Variants in PCDH7 observed in about 807,000 individuals in gnomAD.
PCDH7 encodes the protein protocadherin-7.
PCDH7 carries 17 observed loss-of-function variants against 58.9 expected under a neutral mutation model. That is an observed-to-expected ratio of 0.29 (90% CI 0.20 to 0.43). The LOEUF is 0.43. Ranked by LOEUF, PCDH7 falls within the 20% of genes least tolerant of loss-of-function variation. The pLI, the probability that PCDH7 is intolerant of heterozygous loss-of-function variation, is 1.00. For missense variants in PCDH7, 1,274 were observed against 1,441.0 expected, an observed-to-expected ratio of 0.88 and a Z score of 1.88; for synonymous variants, 664 against 616.4, an observed-to-expected ratio of 1.08 and a Z score of -1.14.
intron 3 of PCDH7, among the ~76,000 whole-genome samples, chr4:30,991,082 C>G (rs540116777): frequency 6.6e-6 from 1 of 152,036 alleles, no homozygotes; most frequent in African/African-American, 2.4e-5. Context: ...CACGATACAC[C>G]GGGTTCTTTC....
chr4:30,898,898 C>G (rs1739826646), intron 1 of PCDH7, among the ~76,000 whole-genome samples: 1 of 152,044 alleles, frequency 6.6e-6, no homozygotes, highest in Non-Finnish European at 1.5e-5. Context: ...GCCTGAAATC[C>G]CTATTTTTTA....
intron 1 of PCDH7, among the ~76,000 whole-genome samples, chr4:30,861,857 C>A (rs192504972): frequency 3.9e-4 from 59 of 152,124 alleles, no homozygotes; most frequent in African/African-American, 1.3e-3. Flanking sequence ...AAGTAGAGCA[C>A]CTTGTTAGCC....
intron 3 of PCDH7, among the ~76,000 whole-genome samples, chr4:31,104,710 C>A (rs549573883): frequency 6.6e-6 from 1 of 152,272 alleles, no homozygotes; most frequent in Non-Finnish European, 1.5e-5. Flanking sequence ...CATGTAAACT[C>A]TTTACAAACA....
At chr4:31,061,078 C>T (rs911292944) in intron 3 of PCDH7, among the ~76,000 whole-genome samples, 1 of 151,572 alleles carries the variant, frequency 6.6e-6, no homozygotes, top group African/African-American at 2.4e-5. Context: ...AAAGTGCATG[C>T]CTGTCCCCTG....
chr4:30,855,754 G>A lies in PCDH7; in HGVS notation c.71-64399G>A, dbSNP rs141990834. Among the ~76,000 whole-genome samples the A allele has an allele frequency of 5.0e-3, 754 of 152,200 alleles. 7 individuals carry two copies. The highest frequency in any genetic ancestry group is 0.017 in the African/African-American group (691 of 41,544). ...GGGCAATTCTGTTCTTTTTCTTGTT[G>A]CAAAGCTAGGGGACAGGTAATTTAT... On this transcript the variant is annotated intron_variant, in intron 1 of 3. Coordinates refer to the PCDH7 transcript ENST00000509759.
rs550189925 is a variant in PCDH7 at position 30,723,854 on chromosome 4, A to G, written c.2432A>G (p.His811Arg). ...TTAGTGGGAAAACTCACCCAAAAGC[A>G]TTATGGCTTGCACAGGTTGGTGGTG... The change falls in exon 1 of 2, where the codon CAT becomes CGT. Residue 811 changes from histidine to arginine, a missense_variant. Physicochemically the swap from His to Arg is conservative, Grantham distance 29 (BLOSUM62 0). This residue lies in a region of PCDH7 where 731 missense variants were observed against 881.9 expected (regional missense o/e 0.83). Coordinates refer to ENST00000361762, the Ensembl canonical transcript of PCDH7. This position sits in a 1 kb window ranked among gnomAD's most constrained non-coding sequence, Gnocchi z 4.6. 6.2e-7 allele frequency: 1 copy of G among 1,614,100 alleles called. No individual in the cohort carries two copies. The highest frequency in any genetic ancestry group is 1.3e-5 in the African/African-American group (1 of 75,028).
At chr4:30,923,955 C>G (rs1166008484) in intron 2 of PCDH7, among the ~76,000 whole-genome samples, 1 of 152,112 alleles carries the variant, frequency 6.6e-6, no homozygotes, top group Non-Finnish European at 1.5e-5. Flanking sequence ...ATGCATATTG[C>G]AATGGATTGG....
intron 3 of PCDH7, among the ~76,000 whole-genome samples, chr4:31,130,402 G>T (rs1173059736): frequency 3.3e-5 from 5 of 152,138 alleles, no homozygotes; most frequent in African/African-American, 1.2e-4. Flanking sequence ...AGGTACGCAT[G>T]ACTCAATGGG....
At chr4:31,069,408 C>T (rs547078589) in intron 3 of PCDH7, among the ~76,000 whole-genome samples, 2,609 of 151,662 alleles carry the variant, frequency 0.017, 32 homozygotes, top group Non-Finnish European at 0.026. Flanking sequence ...GTTCTTCTCA[C>T]GGAATTTGGG....
chr4:30,791,717 A>T (rs1724143254), intron 1 of PCDH7, among the ~76,000 whole-genome samples: 1 of 152,156 alleles, frequency 6.6e-6, no homozygotes, highest in Non-Finnish European at 1.5e-5. Context: ...TAGCTCTGTG[A>T]GCTGTAATTT....
At chr4:31,130,238 C>T (rs1314378868) in intron 3 of PCDH7, among the ~76,000 whole-genome samples, 1 of 151,986 alleles carries the variant, frequency 6.6e-6, no homozygotes, top group African/African-American at 2.4e-5. Flanking sequence ...AATATGATCA[C>T]CCAGAAAGGT....
At chr4:31,012,000 T>C (rs560967924) in intron 3 of PCDH7, among the ~76,000 whole-genome samples, 1 of 152,218 alleles carries the variant, frequency 6.6e-6, no homozygotes, top group East Asian at 1.9e-4. Flanking sequence ...TTACATACCC[T>C]ATATTTTATT....
At chr4:30,944,246 T>C (rs1256193982) in intron 2 of PCDH7, among the ~76,000 whole-genome samples, 1 of 152,118 alleles carries the variant, frequency 6.6e-6, no homozygotes, top group East Asian at 1.9e-4. Context: ...AGTAAGATAA[T>C]CATTCAAGAG....
intron 1 of PCDH7, among the ~76,000 whole-genome samples, chr4:30,908,732 T>A (rs753317880): frequency 6.6e-6 from 1 of 152,174 alleles, no homozygotes; most frequent in Middle Eastern, 3.4e-3. Flanking sequence ...CCATTTCTTC[T>A]GAAACTATTC....
chr4:31,106,343 A>G (rs1715573010), intron 3 of PCDH7, among the ~76,000 whole-genome samples: 2 of 152,194 alleles, frequency 1.3e-5, no homozygotes, highest in Admixed American at 6.5e-5. Flanking sequence ...TGACAATACA[A>G]AATTTTTAGA....
At chr4:30,917,723 A>G (rs906740269) in intron 1 of PCDH7, among the ~76,000 whole-genome samples, 1 of 152,066 alleles carries the variant, frequency 6.6e-6, no homozygotes, top group African/African-American at 2.4e-5. Context: ...AAATGCATAG[A>G]TTCATAGCAG....
At chr4:30,745,193 G>A (rs1156306503) in intron 1 of PCDH7, among the ~76,000 whole-genome samples, 1 of 151,648 alleles carries the variant, frequency 6.6e-6, no homozygotes, top group Non-Finnish European at 1.5e-5. Context: ...ATTCATCTGA[G>A]TCATAAATTA....
At chr4:30,959,608 G>T (rs371028619) in intron 3 of PCDH7, among the ~76,000 whole-genome samples, 30 of 152,234 alleles carry the variant, frequency 2.0e-4, no homozygotes, top group African/African-American at 6.7e-4. Flanking sequence ...AGTAAAATGT[G>T]TAGGCTACTT....
At chr4:30,907,047 T>C (rs1741036442) in intron 1 of PCDH7, among the ~76,000 whole-genome samples, 1 of 151,952 alleles carries the variant, frequency 6.6e-6, no homozygotes, top group African/African-American at 2.4e-5. Context: ...ATAAAGCAGA[T>C]TATGGTCCCA....
Sources: allele counts gnomAD v4.1 joint callset (sites outside exome capture counted in the v4.1 genomes callset), GRCh38; gene constraint gnomAD v4.1.1; regional missense constraint gnomAD v4.1.1; non-coding constraint Gnocchi (gnomAD v3.1); transcripts MANE v1.5; gene names NCBI Gene and HGNC (gene_info 2026-07-23, HGNC 2026-07-21).